Variants in SEPTIN14 observed in about 807,000 individuals in gnomAD.
SEPTIN14 encodes the protein septin 14.
A neutral mutation model predicts 53.6 loss-of-function variants in SEPTIN14; 40 were observed. The observed-to-expected ratio is 0.75, with a 90% CI of 0.58 to 0.97. SEPTIN14 has a LOEUF of 0.97. SEPTIN14 is among the 50% of genes least tolerant of loss of function. SEPTIN14 has a pLI of 0.00. For synonymous variants in SEPTIN14, 138 were observed against 166.8 expected, an observed-to-expected ratio of 0.83 and a Z score of 1.33; for missense variants, 471 against 508.2, an observed-to-expected ratio of 0.93 and a Z score of 0.70.
intron 5 of SEPTIN14, among the ~76,000 whole-genome samples, chr7:55,839,144 T>G (rs921168946): frequency 6.6e-6 from 1 of 152,062 alleles, no homozygotes; most frequent in Non-Finnish European, 1.5e-5. Flanking sequence ...TCCCAGCACT[T>G]TGGGAGGCTG....
chr7:55,825,413 A>G (rs1336619911), intron 6 of SEPTIN14, among the ~76,000 whole-genome samples: 1 of 152,238 alleles, frequency 6.6e-6, no homozygotes, highest in Non-Finnish European at 1.5e-5. Context: ...ATGTTACTGC[A>G]GTATGGGATA....
intron 2 of SEPTIN14, among the ~76,000 whole-genome samples, chr7:55,850,615 A>G (rs555531916): frequency 7.9e-5 from 12 of 152,322 alleles, no homozygotes; most frequent in African/African-American, 2.9e-4. Flanking sequence ...TGTGCAAATA[A>G]ATTTTTCTTA....
At chr7:55,797,335 A>G (rs965631591) in intron 9 of SEPTIN14, among the ~76,000 whole-genome samples, 3 of 152,238 alleles carry the variant, frequency 2.0e-5, no homozygotes, top group African/African-American at 7.2e-5. Flanking sequence ...TTCAAACCAA[A>G]TAGATACTCA....
chr7:55,825,272 T>A (rs1430711057), intron 6 of SEPTIN14, among the ~76,000 whole-genome samples: 1 of 152,150 alleles, frequency 6.6e-6, no homozygotes, highest in Non-Finnish European at 1.5e-5. Flanking sequence ...TAATTCCAAC[T>A]ATGTGATATT....
At chr7:55,836,737 T>TCAACAACAA (rs58358966) in intron 5 of SEPTIN14, among the ~76,000 whole-genome samples, 1 of 151,908 alleles carries the variant, frequency 6.6e-6, no homozygotes, top group South Asian at 2.1e-4. Context: ...AAACTCCGTC[T>TCAACAACAA]CAACAACAAC....
At chr7:55,822,353 C>T (rs563820705) in intron 6 of SEPTIN14, among the ~76,000 whole-genome samples, 4 of 152,310 alleles carry the variant, frequency 2.6e-5, no homozygotes, top group Admixed American at 2.6e-4. Flanking sequence ...GTATTCACCA[C>T]AACCCCAATC....
intron 9 of SEPTIN14, 22 bp downstream of exon 9, chr7:55,805,236 A>G (rs1238159595): frequency 6.3e-7 from 1 of 1,594,658 alleles, no homozygotes; most frequent in Non-Finnish European, 8.6e-7. Context: ...AATACAAATT[A>G]TATCAAACTG....
At chr7:55,804,014 T>C (rs1243648061) in intron 9 of SEPTIN14, among the ~76,000 whole-genome samples, 1 of 149,374 alleles carries the variant, frequency 6.7e-6, no homozygotes, top group East Asian at 2.0e-4. Flanking sequence ...TGAGCGCCTG[T>C]AGACCCAGCT....
chr7:55,832,185 G>A (rs1289112969), intron 6 of SEPTIN14, among the ~76,000 whole-genome samples: 2 of 144,314 alleles, frequency 1.4e-5, no homozygotes, highest in Non-Finnish European at 3.0e-5. Flanking sequence ...TGAGTGACAG[G>A]GCGAGACTCT....
At chr7:55,860,118 G>T (rs1439681479) in intron 2 of SEPTIN14, among the ~76,000 whole-genome samples, 1 of 151,394 alleles carries the variant, frequency 6.6e-6, no homozygotes, top group Non-Finnish European at 1.5e-5. Flanking sequence ...GGCAGAGGTT[G>T]CAGTGAGCTG....
chr7:55,826,058 A>C (rs1788981063), intron 6 of SEPTIN14, among the ~76,000 whole-genome samples: 1 of 151,568 alleles, frequency 6.6e-6, no homozygotes, highest in African/African-American at 2.4e-5. Flanking sequence ...GCCGAGATCG[A>C]GCCACTGCAC....
intron 2 of SEPTIN14, among the ~76,000 whole-genome samples, chr7:55,848,319 G>T (rs1158237066): frequency 6.6e-6 from 1 of 151,984 alleles, no homozygotes; most frequent in Non-Finnish European, 1.5e-5. Context: ...GCGCCACCAT[G>T]CCCAGCCAAT....
At chr7:55,838,060 G>A (rs898512424) in intron 5 of SEPTIN14, among the ~76,000 whole-genome samples, 5 of 151,996 alleles carry the variant, frequency 3.3e-5, no homozygotes, top group African/African-American at 9.7e-5. Context: ...AACATTCAAC[G>A]GACTGATTTT....
At chr7:55,808,308 C>T (rs955144070) in intron 7 of SEPTIN14, among the ~76,000 whole-genome samples, 3 of 152,142 alleles carry the variant, frequency 2.0e-5, no homozygotes, top group Non-Finnish European at 4.4e-5. Flanking sequence ...AATGTGAGTG[C>T]ACATGTCTTT....
intron 2 of SEPTIN14, among the ~76,000 whole-genome samples, chr7:55,857,876 C>A (rs956169310): frequency 3.3e-5 from 5 of 151,022 alleles, no homozygotes; most frequent in African/African-American, 1.2e-4. Context: ...CGCGAGCCAC[C>A]GCGCCCGGCC....
intron 2 of SEPTIN14, among the ~76,000 whole-genome samples, chr7:55,860,731 CCACCCA>C (rs1171313095): frequency 1.3e-5 from 2 of 151,998 alleles, no homozygotes; most frequent in Non-Finnish European, 2.9e-5. Context: ...TCATATGGCT[CCACCCA>C]CATGAATAGG....
chr7:55,840,621 A>G (rs1030751152), intron 5 of SEPTIN14, among the ~76,000 whole-genome samples: 3 of 152,150 alleles, frequency 2.0e-5, no homozygotes, highest in African/African-American at 7.2e-5. Flanking sequence ...TGACACCTTG[A>G]TCTTGGACTT....
chr7:55,819,854 T>C (rs1406013838), intron 6 of SEPTIN14, among the ~76,000 whole-genome samples: 1 of 152,134 alleles, frequency 6.6e-6, no homozygotes, highest in African/African-American at 2.4e-5. Context: ...TTAACCTGAA[T>C]GTTGAAGAAA....
chr7:55,857,690 C>T (rs1434226915), intron 2 of SEPTIN14, among the ~76,000 whole-genome samples: 2 of 147,906 alleles, frequency 1.4e-5, no homozygotes, highest in African/African-American at 2.5e-5. Flanking sequence ...CGGGTTCACG[C>T]CATTCTCCTG....
Sources: allele counts gnomAD v4.1 joint callset (sites outside exome capture counted in the v4.1 genomes callset), GRCh38; gene constraint gnomAD v4.1.1; transcripts MANE v1.5; gene names NCBI Gene and HGNC (gene_info 2026-07-23, HGNC 2026-07-21).